The following PTPRK variants were observed in gnomAD, a reference collection of about 807,000 sequenced individuals.
PTPRK encodes receptor-type tyrosine-protein phosphatase kappa.
In PTPRK, 75 loss-of-function variants were observed where a neutral mutation model predicts 178.0. The observed-to-expected ratio is 0.42, with a 90% CI of 0.35 to 0.51. The LOEUF is 0.51. Ranked by LOEUF, PTPRK falls within the 20% of genes least tolerant of loss-of-function variation. PTPRK has a pLI of 0.02. For missense variants in PTPRK, 1,441 were observed against 1,797.8 expected (o/e 0.80, Z 3.59); for synonymous variants, 637 against 620.6 (o/e 1.03, Z -0.39).
chr6:128,394,883 C>A (rs1274555984), intron 2 of PTPRK, among the ~76,000 whole-genome samples: 1 of 152,004 alleles, frequency 6.6e-6, no homozygotes, highest in East Asian at 1.9e-4. Context: ...GGCTTTCAGT[C>A]CAAAAAGTTA....
At position 127,981,098 on chromosome 6, in the gene PTPRK, A is replaced by C. The variant is rs373091534; in HGVS notation, c.3711+18T>G. 2 of 1,609,392 alleles carry C rather than the reference A, an allele frequency of 1.2e-6. No homozygotes were observed. The highest frequency in any genetic ancestry group is 1.7e-6 in the Non-Finnish European group (2 of 1,176,492). On this transcript the variant is annotated intron_variant, in intron 25 of 29. Transcript: ENST00000368226. ...CTTTCCACAACACTCTACACTAACAAAGAGGGCAGTCTCTTACGTCCATAA... is the reference window on the plus strand; with the variant it reads ...CTTTCCACAACACTCTACACTAACACAGAGGGCAGTCTCTTACGTCCATAA...
intron 7 of PTPRK, among the ~76,000 whole-genome samples, chr6:128,140,876 T>C (rs1198409191): frequency 6.6e-6 from 1 of 151,996 alleles, no homozygotes; most frequent in African/African-American, 2.4e-5. Flanking sequence ...GGATTCATTA[T>C]CCAAAGATGA....
At chr6:128,167,763 G>A (rs1325893555) in intron 7 of PTPRK, among the ~76,000 whole-genome samples, 2 of 151,934 alleles carry the variant, frequency 1.3e-5, no homozygotes, top group Non-Finnish European at 2.9e-5. Flanking sequence ...ACCACATGTT[G>A]TATTTATTAG....
intron 1 of PTPRK, among the ~76,000 whole-genome samples, chr6:128,518,250 C>T (rs1858387609): frequency 6.6e-6 from 1 of 152,062 alleles, no homozygotes; most frequent in African/African-American, 2.4e-5. Context: ...TATGCTTTGT[C>T]ACTAAAGAAA....
chr6:128,175,463 A>C (rs549938427), intron 7 of PTPRK, among the ~76,000 whole-genome samples: 1 of 152,030 alleles, frequency 6.6e-6, no homozygotes, highest in African/African-American at 2.4e-5. Context: ...TTTCAGTAAC[A>C]TAAGAATGGT....
chr6:128,328,966 T>C (rs1478249811), intron 2 of PTPRK, among the ~76,000 whole-genome samples: 2 of 152,146 alleles, frequency 1.3e-5, no homozygotes, highest in Non-Finnish European at 2.9e-5. Context: ...ATACATTATG[T>C]AACCTCTGGG....
intron 7 of PTPRK, among the ~76,000 whole-genome samples, chr6:128,183,745 C>T (rs913122633): frequency 2.0e-5 from 3 of 152,040 alleles, no homozygotes; most frequent in African/African-American, 7.2e-5. Flanking sequence ...ACAATTCCTC[C>T]CATTATAACA....
At chr6:128,016,181 C>A (rs1779571400) in intron 13 of PTPRK, among the ~76,000 whole-genome samples, 1 of 151,674 alleles carries the variant, frequency 6.6e-6, no homozygotes, top group South Asian at 2.1e-4. Context: ...GAGAAAAATA[C>A]AAATTTATTA....
rs74370515 is a variant in PTPRK, at chr6:127,976,617, C to T, written c.3969+40G>A. ...TATACCACATCTTGGTTATGACTGA[C>T]CTATTCTAGATCAGCTCAAAGGATC... On this transcript the variant is annotated intron_variant, in intron 27 of 29. Transcript: ENST00000368226. 8,424 of 1,609,628 alleles carry T rather than the reference C, an allele frequency of 5.2e-3. 399 individuals carry two copies. The African/African-American group carries it at 0.099, about 19-fold the overall frequency.
chr6:128,094,074 G>A (rs1447850371), intron 7 of PTPRK, among the ~76,000 whole-genome samples: 4 of 152,090 alleles, frequency 2.6e-5, no homozygotes, highest in South Asian at 2.1e-4. Context: ...GAATAAAAAC[G>A]TAGAACACAG....
chr6:128,437,967 A>G (rs1441751658), intron 1 of PTPRK, among the ~76,000 whole-genome samples: 4 of 152,250 alleles, frequency 2.6e-5, no homozygotes, highest in African/African-American at 9.6e-5. Flanking sequence ...CGTGCATACT[A>G]AAGTCCCACA....
At chr6:128,334,288 T>C (rs927967761) in intron 2 of PTPRK, among the ~76,000 whole-genome samples, 3 of 152,162 alleles carry the variant, frequency 2.0e-5, no homozygotes, top group Non-Finnish European at 4.4e-5. Flanking sequence ...ACATACAATA[T>C]CTGCAAAGTA....
intron 1 of PTPRK, among the ~76,000 whole-genome samples, chr6:128,512,919 T>C (rs566571691): frequency 6.6e-6 from 1 of 152,320 alleles, no homozygotes; most frequent in South Asian, 2.1e-4. Context: ...AGACTGCTAC[T>C]AGTAATGTCA....
chr6:128,458,659 A>G (rs73589591), intron 1 of PTPRK, among the ~76,000 whole-genome samples: 230 of 152,346 alleles, frequency 1.5e-3, no homozygotes, highest in African/African-American at 5.3e-3. Flanking sequence ...GATTGTAGAA[A>G]TCACTACACA....
chr6:127,999,910 G>T, intron 15 of PTPRK: 1 of 872,488 alleles, frequency 1.1e-6, no homozygotes, highest in African/African-American at 1.8e-5. Context: ...TCCCAATTGT[G>T]TTATTAGCTT....
intron 1 of PTPRK, among the ~76,000 whole-genome samples, chr6:128,492,248 T>C (rs1377975703): frequency 6.6e-6 from 1 of 152,190 alleles, no homozygotes; most frequent in Non-Finnish European, 1.5e-5. Context: ...AACTGCTCTA[T>C]GTCTTTGGTC....
chr6:128,328,315 C>T (rs1425218496), intron 2 of PTPRK, among the ~76,000 whole-genome samples: 1 of 152,152 alleles, frequency 6.6e-6, no homozygotes, highest in African/African-American at 2.4e-5. Flanking sequence ...TGATAACTGG[C>T]ACCCTATCTA....
intron 7 of PTPRK, among the ~76,000 whole-genome samples, chr6:128,099,640 T>G (rs991680243): frequency 2.6e-5 from 4 of 152,086 alleles, no homozygotes; most frequent in Non-Finnish European, 5.9e-5. Flanking sequence ...AAAGTCAGCA[T>G]GACTATTGAT....
chr6:128,159,423 C>A (rs773556855), intron 7 of PTPRK, among the ~76,000 whole-genome samples: 1 of 151,758 alleles, frequency 6.6e-6, no homozygotes, highest in African/African-American at 2.4e-5. Context: ...GTAAAAGAAC[C>A]TATCAATGAG....
Sources: gnomAD v4.1 joint callset for allele counts (sites outside exome capture counted in the v4.1 genomes callset) on GRCh38, gnomAD v4.1.1 for gene constraint, MANE v1.5 for transcripts, NCBI Gene and HGNC (gene_info 2026-07-23, HGNC 2026-07-21) for gene names.